The following NMS variants were observed in gnomAD, a reference collection of about 807,000 sequenced individuals.
NMS encodes the protein neuromedin S, also known as neuromedin-S.
Under a neutral mutation model 32.2 loss-of-function variants are expected in NMS, and 30 were observed. The ratio of observed to expected loss-of-function variants is 0.93; its 90% CI spans 0.70 to 1.26. The LOEUF is 1.26. NMS is among the 50% of genes most tolerant of loss of function. The pLI, the probability that NMS is intolerant of heterozygous loss-of-function variation, is 0.00. For synonymous variants in NMS, 76 were observed against 58.5 expected, an observed-to-expected ratio of 1.30 and a Z score of -1.37; for missense variants, 190 against 186.3, an observed-to-expected ratio of 1.02 and a Z score of -0.12.
chr2:100,482,307 G>A lies in NMS; in HGVS notation c.445G>A (p.Ala149Thr). ...PRNGRNIEDE[A>T]QIQW ...GAATGGAAGAAACATTGAAGATGAG[G>A]CCCAGTAGGTAGTCCAAGATCAGCT... The change falls in exon 9 of 10, where the codon GCC (alanine) becomes ACC (threonine). Residue 149 changes from alanine (A) to threonine (T), a missense_variant. Physicochemically the swap from Ala to Thr is moderately conservative, Grantham distance 58. Coordinates refer to ENST00000376865, the MANE Select transcript of NMS (RefSeq NM_001011717.1). 1.2e-6 allele frequency: 2 copies of A among 1,613,832 alleles called. No homozygotes were observed. Among genetic ancestry groups the A allele is most frequent in the Non-Finnish European group, 1.7e-6 (2 of 1,179,856 alleles).
chr2:100,482,495 C>T (rs1355690151), intron 9 of NMS, among the ~76,000 whole-genome samples, 184 bp downstream of exon 9: 1 of 152,022 alleles, frequency 6.6e-6, no homozygotes, highest in Non-Finnish European at 1.5e-5. Flanking sequence ...AGACCCCCAC[C>T]CCAGCCTAGC....
rs985330721 is a variant in NMS at position 100,480,203 on chromosome 2, CT to C, written c.337-290del. 2.6e-5 allele frequency among the ~76,000 whole-genome samples: 4 copies of C among 152,348 alleles called. No individual in the cohort carries two copies. The East Asian group carries it at 7.7e-4, about 29-fold the overall frequency. The stretch of plus-strand genomic sequence containing the variant: ...GCTAATCCTTTAAAAGTTTCCTAAG[CT>C]TTGCAATGTGCCCATTTCGAAGTTG... On this transcript the variant is annotated intron_variant, in intron 6 of 9. Transcript: ENST00000376865.
intron 9 of NMS, 71 bp downstream of exon 9, chr2:100,482,382 G>C: frequency 2.8e-6 from 4 of 1,417,022 alleles, no homozygotes; most frequent in Non-Finnish European, 4.0e-6. Flanking sequence ...TGACTGGAGA[G>C]AGTGAGAGGC....
intron 6 of NMS, among the ~76,000 whole-genome samples, chr2:100,479,826 C>A (rs1004671924): frequency 1.3e-5 from 2 of 152,238 alleles, no homozygotes; most frequent in Non-Finnish European, 2.9e-5. Context: ...TTTCTCAGAG[C>A]TTTCTTCTTT....
chr2:100,481,047 A>C, intron 7 of NMS, 79 bp from the exon 8 acceptor site: 1 of 1,471,024 alleles, frequency 6.8e-7, no homozygotes, highest in South Asian at 1.1e-5. Context: ...CCCATTTTGA[A>C]AACTGTTCCT....
intron 3 of NMS, among the ~76,000 whole-genome samples, chr2:100,474,222 T>C (rs1482421276): frequency 6.6e-6 from 1 of 152,096 alleles, no homozygotes; most frequent in Non-Finnish European, 1.5e-5. Context: ...AATATTTCAA[T>C]GGATATAAAG....
intron 9 of NMS, 142 bp downstream of exon 9, chr2:100,482,453 C>T (rs1211862113): frequency 2.6e-5 from 20 of 762,642 alleles, no homozygotes; most frequent in Non-Finnish European, 4.4e-5. Flanking sequence ...AGGAACTCTG[C>T]CCCTTCCCTT....
At chr2:100,477,292 A>C in intron 4 of NMS, 25 bp downstream of exon 4, 1 of 1,611,416 alleles carries the variant, frequency 6.2e-7, no homozygotes, top group Non-Finnish European at 8.5e-7. Flanking sequence ...GCCCTGTACA[A>C]GTGCATGCAG....
chr2:100,479,316 C>A (rs1458251898), intron 5 of NMS, 37 bp from the exon 6 acceptor site: 7 of 1,524,506 alleles, frequency 4.6e-6, no homozygotes, highest in African/African-American at 2.7e-5. Flanking sequence ...CTGTGGATGT[C>A]CCCCTGTCTG....
chr2:100,470,504 C>T lies in NMS; in HGVS notation c.16C>T (p.Pro6Ser), dbSNP rs13411940. The T allele has an allele frequency of 0.23, 367,222 of 1,611,090 alleles. 43,161 individuals are homozygous for T. The highest frequency in any genetic ancestry group is 0.32 in the East Asian group (14,564 of 44,848). The change falls in exon 1 of 10, where the codon CCC becomes TCC. Residue 6 changes from proline (P) to serine (S), a missense_variant. Physicochemically the swap from Pro to Ser is moderately conservative, Grantham distance 74 (BLOSUM62 -1). Transcript: ENST00000376865. Reference protein sequence around the residue: MKHLRPQFPLILAIYC... With the variant: MKHLRSQFPLILAIYC... ...GACTCTCACAATGAAACATCTTCGTCCCCAGTTCCCTCTCATCTTGGCCAT... is the reference window on the plus strand; with the variant it reads ...GACTCTCACAATGAAACATCTTCGTTCCCAGTTCCCTCTCATCTTGGCCAT...
chr2:100,472,816 A>T lies in NMS; in HGVS notation c.98A>T (p.Asp33Val). Reference sequence around the variant, plus strand: ...ATAGGATTTCCTCAACCTTTAGCTGATCCTTCAGATGGCTTGGATATTGTG... The same window carrying T: ...ATAGGATTTCCTCAACCTTTAGCTGTTCCTTCAGATGGCTTGGATATTGTG... ...PSSGFPQPLADPSDGLDIVQL... is the reference protein window; with the variant it reads ...PSSGFPQPLAVPSDGLDIVQL... The change falls in exon 2 of 10, where the codon GAT (aspartate) becomes GTT (valine). Residue 33 changes from aspartate (D) to valine (V), a missense_variant. Asp to Val is a radical substitution (Grantham distance 152). Transcript: ENST00000376865. The T allele has an allele frequency of 6.2e-7, 1 of 1,610,880 alleles. No individual in the cohort carries two copies. Among genetic ancestry groups the T allele is most frequent in the Non-Finnish European group, 8.5e-7 (1 of 1,177,426 alleles).
chr2:100,481,177 G>A lies in NMS; in HGVS notation c.414+10G>A. ...CTTTTTCCTTTTCAGGGTATAGCAT[G>A]TTTTCTCACCTTTGCTTTCTAACCT... On this transcript the variant is annotated intron_variant, in intron 8 of 9. Coordinates refer to ENST00000376865, the MANE Select transcript of NMS (RefSeq NM_001011717.1). 2 of 1,613,880 alleles carry A rather than the reference G, an allele frequency of 1.2e-6. No individual in the cohort carries two copies. Among genetic ancestry groups the A allele is most frequent in the Non-Finnish European group, 1.7e-6 (2 of 1,179,750 alleles).
At chr2:100,483,128 A>T in intron 9 of NMS, 124 bp from the exon 10 acceptor site, 1 of 819,680 alleles carries the variant, frequency 1.2e-6, no homozygotes, top group South Asian at 1.7e-5. Context: ...CAACCTGGGC[A>T]TTTATGACAC....
intron 5 of NMS, 25 bp from the exon 6 acceptor site, chr2:100,479,328 C>A: frequency 3.2e-6 from 5 of 1,586,162 alleles, no homozygotes; most frequent in Non-Finnish European, 4.3e-6. Flanking sequence ...CCCTGTCTGA[C>A]CCTCTCCGCG....
chr2:100,482,668 C>T (rs535733389), intron 9 of NMS, among the ~76,000 whole-genome samples: 1 of 152,154 alleles, frequency 6.6e-6, no homozygotes, highest in African/African-American at 2.4e-5. Context: ...GAAACACCAC[C>T]CTGTCATGCT....
At position 100,473,542 on chromosome 2, in the gene NMS, A is replaced by T. The variant is rs1460835614; in HGVS notation, c.183+3A>T. On this transcript the variant is annotated splice_donor_region_variant and intron_variant, in intron 3 of 9. Coordinates refer to ENST00000376865, the MANE Select transcript of NMS (RefSeq NM_001011717.1). ...CACCTCTTTCTCGCCAACCTAAGGT[A>T]AAAAAATGTGTATATATATAATATA... 1.5e-6 allele frequency: 2 copies of T among 1,331,830 alleles called. No individual in the cohort carries two copies. Among genetic ancestry groups the T allele is most frequent in the Non-Finnish European group, 2.0e-6 (2 of 984,102 alleles). The allele number at this position is 1,331,830 out of a possible 1,614,324, so 82.5% of individuals were successfully genotyped here. A position where few individuals can be genotyped will look rare whatever the true frequency, so the allele number is the denominator to read the frequency against.
At position 100,479,374 on chromosome 2, in the gene NMS, A is replaced by C. The variant is rs1358965720; in HGVS notation, c.283A>C (p.Met95Leu). 1 of 1,610,642 alleles carries C rather than the reference A, an allele frequency of 6.2e-7. No individual in the cohort carries two copies. Among genetic ancestry groups the C allele is most frequent in the East Asian group, 2.2e-5 (1 of 44,668 alleles). Residue 95 changes from methionine (M) to leucine (L), a missense_variant, in exon 6 of 10, where the codon ATG becomes CTG. By Grantham distance (15) the Met-to-Leu change is conservative. Coordinates refer to ENST00000376865, the MANE Select transcript of NMS (RefSeq NM_001011717.1). ...KTGFPPVHPL[M>L]HLAAKLANRR... is the part of the protein sequence containing the mutation. ...GCAGTTTCCTCCAGTGCATCCTCTA[A>C]TGCACCTGGCTGCCAAGCTCGCCAA...
intron 9 of NMS, among the ~76,000 whole-genome samples, chr2:100,482,834 G>A (rs1677245487): frequency 6.6e-6 from 1 of 152,250 alleles, no homozygotes; most frequent in Non-Finnish European, 1.5e-5. Flanking sequence ...GCCTGTGGAA[G>A]ATGAAGTGAA....
chr2:100,482,885 G>T (rs111553920), intron 9 of NMS, among the ~76,000 whole-genome samples: 9 of 152,316 alleles, frequency 5.9e-5, no homozygotes, highest in African/African-American at 2.2e-4. Context: ...TTCTCATGGG[G>T]ATGTGGTCCC....
Sources: allele counts gnomAD v4.1 joint callset (sites outside exome capture counted in the v4.1 genomes callset), GRCh38; gene constraint gnomAD v4.1.1; transcripts MANE v1.5; gene names NCBI Gene and HGNC (gene_info 2026-07-23, HGNC 2026-07-21).